The following HAND2 variants were observed in gnomAD, a reference collection of about 807,000 sequenced individuals.
HAND2 encodes the protein heart and neural crest derivatives expressed 2.
A neutral mutation model predicts 14.7 loss-of-function variants in HAND2; 2 were observed. That is an observed-to-expected ratio of 0.14 (90% confidence interval 0.06 to 0.43). The LOEUF (loss-of-function observed/expected upper bound fraction) is 0.43. Among genes scored for constraint, HAND2 ranks in the 20% least tolerant of loss-of-function variants. The pLI is 0.99. For synonymous variants in HAND2, 162 were observed against 135.9 expected (o/e 1.19, Z -1.34); for missense variants, 275 against 313.6 (o/e 0.88, Z 0.93).
In HAND2 at chr4:173,527,011, A is replaced by G. The variant is rs894777231; in HGVS notation, c.*266T>C. On this transcript the variant is annotated 3_prime_UTR_variant, in exon 2 of 2. Transcript: ENST00000359562. ...AATCTATGAGACGACGGGATCCCTTACCACACGGGAGTGTCCTCTTCGTAT... is the reference window on the plus strand; with the variant it reads ...AATCTATGAGACGACGGGATCCCTTGCCACACGGGAGTGTCCTCTTCGTAT... The G allele has an allele frequency of 3.1e-6, 2 of 635,370 alleles. No homozygotes were observed. The highest frequency in any genetic ancestry group is 5.8e-6 in the Non-Finnish European group (2 of 342,340). 39.4% of individuals were successfully genotyped at this position (635,370 alleles called of 1,614,324 possible).
chr4:173,526,738 G>A lies in HAND2; in HGVS notation c.*539C>T, dbSNP rs1731462973. ...AGTGGCTGTTGGAAACATCTTCAAA[G>A]AGGGAACGACCACAGATGAATGGAT... is the stretch of plus-strand genomic sequence containing the variant. On this transcript the variant is annotated 3_prime_UTR_variant, in exon 2 of 2. Transcript: ENST00000359562. 1 of 301,454 alleles carries A rather than the reference G, an allele frequency of 3.3e-6. No individual in the cohort carries two copies. Among genetic ancestry groups the A allele is most frequent in the Non-Finnish European group, 6.5e-6 (1 of 153,420 alleles). 18.7% of individuals were successfully genotyped at this position (301,454 alleles called of 1,614,324 possible).
chr4:173,526,944 G>A lies in HAND2; in HGVS notation c.*333C>T. ...GTTGAGTAGGTTGGCGGGGGGCAAC[G>A]CTGGTGTCTACACAGCCAAGAGGGA... On this transcript the variant is annotated 3_prime_UTR_variant, in exon 2 of 2. Coordinates refer to ENST00000359562, the MANE Select transcript of HAND2 (RefSeq NM_021973.3). 1.9e-6 allele frequency: 1 copy of A among 537,038 alleles called. No individual in the cohort carries two copies. The highest frequency in any genetic ancestry group is 3.6e-6 in the Non-Finnish European group (1 of 279,280). 33.3% of individuals were successfully genotyped at this position (537,038 alleles called of 1,614,324 possible).
rs1560886886 is a variant in HAND2 at position 173,530,045 on chromosome 4, C to T, written c.-756G>A. ...CTCAGTGCATCCATTTTCTCAGATCCTCTCCTTTCGGGGCAAGGATCTGGG... is the reference window on the plus strand; with the variant it reads ...CTCAGTGCATCCATTTTCTCAGATCTTCTCCTTTCGGGGCAAGGATCTGGG... On this transcript the variant is annotated 5_prime_UTR_variant, in exon 1 of 2. Transcript: ENST00000359562. The surrounding 1 kb of genome is among the most constrained non-coding windows in gnomAD (Gnocchi z 6.2). 6.6e-6 allele frequency: 1 copy of T among 152,094 alleles called. No homozygotes were observed. The highest frequency in any genetic ancestry group is 1.5e-5 in the Non-Finnish European group (1 of 68,048). 9.4% of individuals were successfully genotyped at this position (152,094 alleles called of 1,614,324 possible).
chr4:173,528,439 CGATCGCGACCCA>C lies in HAND2; in HGVS notation c.555+284_555+295del, dbSNP rs1731576342. 3 of 450,336 alleles carry C rather than the reference CGATCGCGACCCA, an allele frequency of 6.7e-6. No individual in the cohort carries two copies. Among genetic ancestry groups the C allele is most frequent in the African/African-American group, 2.0e-5 (1 of 50,326 alleles). 27.9% of individuals were successfully genotyped at this position (450,336 alleles called of 1,614,324 possible). A position where few individuals can be genotyped will look rare whatever the true frequency, so the allele number is the denominator to read the frequency against. The stretch of plus-strand genomic sequence containing the variant: ...GCATCCAGACCAGTGCGATCGCGAT[CGATCGCGACCCA>C]GAGTTTTCAAGGTCCGTCCTAAGTA... On this transcript the variant is annotated intron_variant, in intron 1 of 1. Coordinates refer to ENST00000359562, the MANE Select transcript of HAND2 (RefSeq NM_021973.3). This position sits in a 1 kb window ranked among gnomAD's most constrained non-coding sequence, Gnocchi z 5.6.
rs1029946645 is a variant in HAND2 at position 173,527,131 on chromosome 4, G to A, written c.*146C>T. ...CAAAGGGGGTCAAAGAGAGGGGAAG[G>A]AAATTGCACATAAATAAACCGGATG... On this transcript the variant is annotated 3_prime_UTR_variant, in exon 2 of 2. Coordinates refer to ENST00000359562, the MANE Select transcript of HAND2 (RefSeq NM_021973.3). 8.4e-6 allele frequency: 6 copies of A among 712,246 alleles called. No individual in the cohort carries two copies. The highest frequency in any genetic ancestry group is 1.5e-5 in the Non-Finnish European group (6 of 391,424). The allele number at this position is 712,246 out of a possible 1,614,324, so 44.1% of individuals were successfully genotyped here. A position where few individuals can be genotyped will look rare whatever the true frequency, so the allele number is the denominator to read the frequency against.
At position 173,529,176 on chromosome 4, in the gene HAND2, C is replaced by T. The variant is rs758014710; in HGVS notation, c.114G>A (p.Glu38=). The part of the protein sequence containing the change: ...AAAAASRCSH[E]ENPYFHGWLI... ...GCCAGCCATGGAAGTAGGGGTTCTC[C>T]TCATGGCTGCAGCGGCTGGCGGCGG... The change falls in exon 1 of 2, where the codon GAG becomes GAA. Residue 38 remains glutamate, a synonymous_variant. Transcript: ENST00000359562. 2 of 1,460,314 alleles carry T rather than the reference C, an allele frequency of 1.4e-6. No homozygotes were observed. Among genetic ancestry groups the T allele is most frequent in the Admixed American group, 2.9e-5 (1 of 34,846 alleles). The allele number at this position is 1,460,314 out of a possible 1,614,324, so 90.5% of individuals were successfully genotyped here.
In HAND2 at chr4:173,529,205, C is replaced by T. The variant is rs867453572; in HGVS notation, c.85G>A (p.Ala29Thr). 1 of 1,422,864 alleles carries T rather than the reference C, an allele frequency of 7.0e-7. No individual in the cohort carries two copies. The highest frequency in any genetic ancestry group is 9.1e-7 in the Non-Finnish European group (1 of 1,094,872). The allele number at this position is 1,422,864 out of a possible 1,614,324, so 88.1% of individuals were successfully genotyped here. A position where few individuals can be genotyped will look rare whatever the true frequency, so the allele number is the denominator to read the frequency against. ...PFAAAAAAAA[A>T]AAASRCSHEE... ...TGGCTGCAGCGGCTGGCGGCGGCGG[C>T]GGCAGCTGCGGCGGCGGCGGCGGCA... Residue 29 changes from alanine to threonine, a missense_variant, in exon 1 of 2, where the codon GCC becomes ACC. Around this residue, in one of 4 missense-constraint regions of HAND2, gnomAD observed 175 missense variants for 157.1 expected, o/e 1.11. Transcript: ENST00000359562.
Position 173,528,769 on chromosome 4 carries a change from G to T in HAND2, c.521C>A (p.Thr174Asn). 1.2e-6 allele frequency: 2 copies of T among 1,614,122 alleles called. No individual in the cohort carries two copies. The highest frequency in any genetic ancestry group is 1.7e-6 in the Non-Finnish European group (2 of 1,180,000). ...AEAFKAEIKK[T>N]DVKEEKRKKE... Reference sequence around the variant, plus strand: ...CTTCCTCTTCTCCTCTTTCACGTCGGTCTTCTTGATCTCTGCCTTGAAGGC... The same window carrying T: ...CTTCCTCTTCTCCTCTTTCACGTCGTTCTTCTTGATCTCTGCCTTGAAGGC... Residue 174 changes from threonine (T) to asparagine (N), a missense_variant, in exon 1 of 2, where the codon ACC (threonine) becomes AAC (asparagine). This residue lies in a region of HAND2 where 54 missense variants were observed against 54.3 expected (regional missense o/e 0.99). Coordinates refer to ENST00000359562, the MANE Select transcript of HAND2 (RefSeq NM_021973.3). The surrounding 1 kb of genome is among the most constrained non-coding windows in gnomAD (Gnocchi z 5.6).
Position 173,529,670 on chromosome 4 carries a change from C to G in HAND2, c.-381G>C, listed in dbSNP as rs1351425948. 6.6e-6 allele frequency: 1 copy of G among 152,324 alleles called. No homozygotes were observed. The highest frequency in any genetic ancestry group is 1.5e-5 in the Non-Finnish European group (1 of 68,030). The allele number at this position is 152,324 out of a possible 1,614,324, so 9.4% of individuals were successfully genotyped here. A position where few individuals can be genotyped will look rare whatever the true frequency, so the allele number is the denominator to read the frequency against. ...TCCTCTCGTGCTCATACAAAGGTGCCGGGGCTCCCGCGAGGCTGGTACGCG... is the reference window on the plus strand; with the variant it reads ...TCCTCTCGTGCTCATACAAAGGTGCGGGGGCTCCCGCGAGGCTGGTACGCG... On this transcript the variant is annotated 5_prime_UTR_variant, in exon 1 of 2. Transcript: ENST00000359562.
Position 173,528,762 on chromosome 4 carries a change from C to T in HAND2, c.528G>A (p.Val176=). ...GCTCCTTCTTCCTCTTCTCCTCTTT[C>T]ACGTCGGTCTTCTTGATCTCTGCCT... The part of the protein sequence containing the change: ...AFKAEIKKTD[V]KEEKRKKELN... The change falls in exon 1 of 2, where the codon GTG becomes GTA. Residue 176 remains valine (V), a synonymous_variant. Coordinates refer to ENST00000359562, the MANE Select transcript of HAND2 (RefSeq NM_021973.3). The surrounding 1 kb of genome is among the most constrained non-coding windows in gnomAD (Gnocchi z 5.6). 6.2e-7 allele frequency: 1 copy of T among 1,614,138 alleles called. No individual in the cohort carries two copies. The highest frequency in any genetic ancestry group is 8.5e-7 in the Non-Finnish European group (1 of 1,179,994).
intron 1 of HAND2, 47 bp from the exon 2 acceptor site, chr4:173,527,422 A>C: frequency 7.6e-7 from 1 of 1,309,522 alleles, no homozygotes; most frequent in South Asian, 1.2e-5. Context: ...AGAGAAATTC[A>C]GAGAGGATAC....
Position 173,527,328 on chromosome 4 carries a change from T to C in HAND2, c.603A>G (p.Lys201=). 6.2e-7 allele frequency: 1 copy of C among 1,613,786 alleles called. No homozygotes were observed. The highest frequency in any genetic ancestry group is 8.5e-7 in the Non-Finnish European group (1 of 1,179,884). Residue 201 remains lysine (K), a synonymous_variant, in exon 2 of 2, where the codon AAA becomes AAG. Transcript: ENST00000359562. ...CGTGCTGCGGCCAGCCCGTCCGGCC[T>C]TTGGTTTTCTTGTCGTTGCTGCTCA... is the stretch of plus-strand genomic sequence containing the variant. ...STVSSNDKKT[K]GRTGWPQHVW... is the part of the protein sequence containing the mutation.
In HAND2 at chr4:173,526,237, A is replaced by C. The variant is rs1172990756; in HGVS notation, c.*1040T>G. On this transcript the variant is annotated 3_prime_UTR_variant, in exon 2 of 2. Transcript: ENST00000359562. ...GGCCTCAAGAAATGGCTTCTGATTG[A>C]CTTCAGGAAAGCAAGAGCACCTTTA... is the stretch of plus-strand genomic sequence containing the variant. 6.6e-6 allele frequency: 1 copy of C among 152,126 alleles called. No homozygotes were observed. Among genetic ancestry groups the C allele is most frequent in the East Asian group, 1.9e-4 (1 of 5,176 alleles). The allele number at this position is 152,126 out of a possible 1,614,324, so 9.4% of individuals were successfully genotyped here.
In HAND2 at chr4:173,528,624, G is replaced by T. The variant is rs974065474; in HGVS notation, c.555+111C>A. 1.8e-4 allele frequency: 243 copies of T among 1,332,134 alleles called. No homozygotes were observed. Among genetic ancestry groups the T allele is most frequent in the Non-Finnish European group, 2.4e-4 (228 of 960,796 alleles). 82.5% of individuals were successfully genotyped at this position (1,332,134 alleles called of 1,614,324 possible). Reference sequence around the variant, plus strand: ...CCTGGTGCAAACAACCTTGAAGCGGGACGCAGCCAAAGAACACGAGATGCC... The same window carrying T: ...CCTGGTGCAAACAACCTTGAAGCGGTACGCAGCCAAAGAACACGAGATGCC... On this transcript the variant is annotated intron_variant, in intron 1 of 1. Coordinates refer to ENST00000359562, the MANE Select transcript of HAND2 (RefSeq NM_021973.3). This position sits in a 1 kb window ranked among gnomAD's most constrained non-coding sequence, Gnocchi z 5.6.
chr4:173,528,682 C>T lies in HAND2; in HGVS notation c.555+53G>A, dbSNP rs1731586432. The T allele has an allele frequency of 2.5e-6, 4 of 1,571,776 alleles. No homozygotes were observed. In the Admixed American group the frequency reaches 7.3e-5, roughly 29 times the overall value. On this transcript the variant is annotated intron_variant, in intron 1 of 1. Transcript: ENST00000359562. This position sits in a 1 kb window ranked among gnomAD's most constrained non-coding sequence, Gnocchi z 5.6. Reference sequence around the variant, plus strand: ...AGCCCAATTGGAAAGAGGCCGGGAGCACCAGTTCCCTGACCCCCTCAGCCC... The same window carrying T: ...AGCCCAATTGGAAAGAGGCCGGGAGTACCAGTTCCCTGACCCCCTCAGCCC...
chr4:173,530,123 T>A lies in HAND2; in HGVS notation c.-834A>T, dbSNP rs1471822319. 1.3e-5 allele frequency: 2 copies of A among 152,048 alleles called. No homozygotes were observed. The highest frequency in any genetic ancestry group is 3.9e-4 in the East Asian group (2 of 5,146). 9.4% of individuals were successfully genotyped at this position (152,048 alleles called of 1,614,324 possible). A position where few individuals can be genotyped will look rare whatever the true frequency, so the allele number is the denominator to read the frequency against. ...ACCGCGGCTCGGGCTCTCGGAGGGC[T>A]CTGCGCGGTGGCCGAGGAAGCTCCG... is the stretch of plus-strand genomic sequence containing the variant. On this transcript the variant is annotated 5_prime_UTR_variant, in exon 1 of 2. Coordinates refer to ENST00000359562, the MANE Select transcript of HAND2 (RefSeq NM_021973.3). This position sits in a 1 kb window ranked among gnomAD's most constrained non-coding sequence, Gnocchi z 6.2.
Position 173,529,351 on chromosome 4 carries a change from CG to C in HAND2, c.-63del, listed in dbSNP as rs1189870071. 9.1e-6 allele frequency: 11 copies of C among 1,206,532 alleles called. No homozygotes were observed. In the African/African-American group the frequency reaches 1.6e-4, roughly 17 times the overall value. The allele number at this position is 1,206,532 out of a possible 1,614,324, so 74.7% of individuals were successfully genotyped here. The stretch of plus-strand genomic sequence containing the variant: ...GCGCAGCCCCGCCGCGCCCTCGGCC[CG>C]GGCCCCTGCCTCAGCGCTCGGCGTC... On this transcript the variant is annotated 5_prime_UTR_variant, in exon 1 of 2. Coordinates refer to ENST00000359562, the MANE Select transcript of HAND2 (RefSeq NM_021973.3).
rs1215464396 is a variant in HAND2 at position 173,528,621 on chromosome 4, C to A, written c.555+114G>T. The A allele has an allele frequency of 7.7e-6, 10 of 1,303,418 alleles. No homozygotes were observed. In the African/African-American group the frequency reaches 1.0e-4, roughly 13 times the overall value. The allele number at this position is 1,303,418 out of a possible 1,614,324, so 80.7% of individuals were successfully genotyped here. On this transcript the variant is annotated intron_variant, in intron 1 of 1. Coordinates refer to ENST00000359562, the MANE Select transcript of HAND2 (RefSeq NM_021973.3). The surrounding 1 kb of genome is among the most constrained non-coding windows in gnomAD (Gnocchi z 5.6). ...CAACCTGGTGCAAACAACCTTGAAG[C>A]GGGACGCAGCCAAAGAACACGAGAT...
chr4:173,527,305 T>C lies in HAND2; in HGVS notation c.626A>G (p.His209Arg). 1 of 1,612,954 alleles carries C rather than the reference T, an allele frequency of 6.2e-7. No individual in the cohort carries two copies. Among genetic ancestry groups the C allele is most frequent in the Non-Finnish European group, 8.5e-7 (1 of 1,179,388 alleles). Residue 209 changes from histidine to arginine, a missense_variant, in exon 2 of 2, where the codon CAC (histidine) becomes CGC (arginine). By Grantham distance (29) the His-to-Arg change is conservative. Transcript: ENST00000359562. Reference protein sequence around the residue: ...KTKGRTGWPQHVWALELKQ With the variant: ...KTKGRTGWPQRVWALELKQ ...CTGCTTGAGCTCCAGGGCCCAGACGTGCTGCGGCCAGCCCGTCCGGCCTTT... is the reference window on the plus strand; with the variant it reads ...CTGCTTGAGCTCCAGGGCCCAGACGCGCTGCGGCCAGCCCGTCCGGCCTTT...
Sources: gnomAD v4.1 joint callset for allele counts on GRCh38, gnomAD v4.1.1 for gene constraint, gnomAD v4.1.1 regional missense constraint, Gnocchi (gnomAD v3.1) non-coding constraint, MANE v1.5 for transcripts, NCBI Gene and HGNC (gene_info 2026-07-23, HGNC 2026-07-21) for gene names.